The following ERICH3 variants were observed in gnomAD, a reference collection of about 807,000 sequenced individuals.
ERICH3 encodes the protein glutamate-rich protein 3.
In ERICH3, 126 loss-of-function variants were observed where a neutral mutation model predicts 131.1. That is an observed-to-expected ratio of 0.96 (90% confidence interval 0.83 to 1.11). The LOEUF (loss-of-function observed/expected upper bound fraction) is 1.11, where lower values mean the gene tolerates loss of function less well. Among genes scored for constraint, ERICH3 ranks in the 50% most tolerant of loss-of-function variants. The pLI, the probability that ERICH3 is intolerant of heterozygous loss-of-function variation, is 0.00. For missense variants in ERICH3, 2,050 were observed against 1,810.7 expected (o/e 1.13, Z -2.40); for synonymous variants, 695 against 644.6 (o/e 1.08, Z -1.18).
At position 74,594,273 on chromosome 1, in the gene ERICH3, CGTGT is replaced by C. The variant is rs10655150; in HGVS notation, c.1727-4197_1727-4194del. Among the ~76,000 whole-genome samples, 978 of 144,826 alleles carry C rather than the reference CGTGT, an allele frequency of 6.8e-3. 6 individuals carry two copies. Among genetic ancestry groups the C allele is most frequent in the African/African-American group, 0.015 (584 of 39,662 alleles). ...TGTGGGGACACTCACAAAAATGGGG[CGTGT>C]GTGTGTGTGTGTGTGTGTGTGTGTG... On this transcript the variant is annotated intron_variant, in intron 11 of 14. Coordinates refer to ENST00000326665, the MANE Select transcript of ERICH3 (RefSeq NM_001002912.5).
intron 1 of ERICH3, among the ~76,000 whole-genome samples, chr1:74,661,640 G>T (rs968155949): frequency 6.6e-6 from 1 of 152,046 alleles, no homozygotes; most frequent in Non-Finnish European, 1.5e-5. Flanking sequence ...TATTTATTTG[G>T]GGTTTATGTC....
chr1:74,643,556 A>T (rs76425747), intron 3 of ERICH3, among the ~76,000 whole-genome samples: 3,565 of 152,294 alleles, frequency 0.023, 54 homozygotes, highest in Middle Eastern at 0.071. Flanking sequence ...TGTTTAAAAA[A>T]TGGACAATGC....
intron 12 of ERICH3, among the ~76,000 whole-genome samples, chr1:74,580,799 A>C (rs2100544401): frequency 6.6e-6 from 1 of 152,292 alleles, no homozygotes; most frequent in Non-Finnish European, 1.5e-5. Context: ...TTCAGGGGGT[A>C]CATATGCAGG....
intron 7 of ERICH3, chr1:74,621,971 A>G (rs1022951129): frequency 6.6e-6 from 1 of 152,228 alleles, no homozygotes; most frequent in Admixed American, 6.5e-5. Flanking sequence ...TAGACAAAAA[A>G]TGTGCAGAGA....
intron 11 of ERICH3, among the ~76,000 whole-genome samples, chr1:74,599,367 C>T (rs1056549941): frequency 6.6e-6 from 1 of 151,658 alleles, no homozygotes; most frequent in African/African-American, 2.4e-5. Context: ...TGAGTGGGAG[C>T]TAAATGATGA....
At position 74,572,318 on chromosome 1, in the gene ERICH3, G is replaced by A. The variant is rs1392535905; in HGVS notation, c.3392C>T (p.Pro1131Leu). The A allele has an allele frequency of 6.2e-7, 1 of 1,613,816 alleles. No individual in the cohort carries two copies. The highest frequency in any genetic ancestry group is 1.3e-5 in the African/African-American group (1 of 74,900). ...GTCAGACAACTCAGAAGCCTCCACAGGTGCTTCGTTCTCAGCATCAGATCC... is the reference window on the plus strand; with the variant it reads ...GTCAGACAACTCAGAAGCCTCCACAAGTGCTTCGTTCTCAGCATCAGATCC... The part of the protein sequence containing the change: ...EMGSDAENEA[P>L]VEASELSDNP... Residue 1131 changes from proline to leucine, a missense_variant, in exon 14 of 15, where the codon CCT becomes CTT. Coordinates refer to ENST00000326665, the MANE Select transcript of ERICH3 (RefSeq NM_001002912.5).
chr1:74,573,895 C>T (rs1647005661), intron 13 of ERICH3, among the ~76,000 whole-genome samples: 1 of 151,658 alleles, frequency 6.6e-6, no homozygotes, highest in African/African-American at 2.4e-5. Context: ...TACAAGCTTC[C>T]TTTCTTAGAA....
chr1:74,601,673 A>T (rs17097886), intron 10 of ERICH3, among the ~76,000 whole-genome samples: 3,781 of 151,908 alleles, frequency 0.025, 179 homozygotes, highest in African/African-American at 0.087. Context: ...ACACTACAGG[A>T]GTTTGCTACT....
intron 7 of ERICH3, chr1:74,625,678 T>C (rs1238009872): frequency 6.6e-6 from 1 of 152,174 alleles, no homozygotes; most frequent in Non-Finnish European, 1.5e-5. Flanking sequence ...CCCATCTTGG[T>C]AACCTCAGGA....
intron 1 of ERICH3, among the ~76,000 whole-genome samples, chr1:74,668,462 A>G (rs772853319): frequency 4.6e-5 from 7 of 152,232 alleles, no homozygotes; most frequent in Non-Finnish European, 7.4e-5. Flanking sequence ...CAAACACTGT[A>G]GTTTCCAATG....
chr1:74,633,317 T>C (rs1487614601), intron 6 of ERICH3, among the ~76,000 whole-genome samples: 4 of 151,908 alleles, frequency 2.6e-5, no homozygotes, highest in African/African-American at 4.8e-5. Flanking sequence ...ATGGTTGATA[T>C]TGCATTTTGT....
rs771711285 is a variant in ERICH3, at chr1:74,673,482, C to G, written c.23+15G>C. ...CCACCTGCCACAGCGTGGAAAAGCTCCAGTTGTCACTTACCCAGCGGGGTG... is the reference window on the plus strand; with the variant it reads ...CCACCTGCCACAGCGTGGAAAAGCTGCAGTTGTCACTTACCCAGCGGGGTG... On this transcript the variant is annotated intron_variant, in intron 1 of 14. Transcript: ENST00000326665. 4 of 1,612,430 alleles carry G rather than the reference C, an allele frequency of 2.5e-6. No homozygotes were observed. In the East Asian group the frequency reaches 9.0e-5, roughly 36 times the overall value.
At chr1:74,617,687 A>G (rs1428932402) in intron 8 of ERICH3, among the ~76,000 whole-genome samples, 5 of 152,220 alleles carry the variant, frequency 3.3e-5, no homozygotes, top group Admixed American at 1.3e-4. Context: ...GGGGCTGTCT[A>G]TGAGACAAGG....
chr1:74,634,666 T>G, intron 6 of ERICH3: 1 of 714,794 alleles, frequency 1.4e-6, no homozygotes, highest in Non-Finnish European at 2.6e-6. Context: ...TATAATCACC[T>G]TGGCAAGCAT....
chr1:74,584,589 A>G (rs1647248535), intron 12 of ERICH3, among the ~76,000 whole-genome samples: 1 of 152,140 alleles, frequency 6.6e-6, no homozygotes, highest in African/African-American at 2.4e-5. Context: ...ATGTCCGATT[A>G]TTAGAGAGGC....
intron 10 of ERICH3, among the ~76,000 whole-genome samples, chr1:74,605,728 C>T (rs1411969557): frequency 6.6e-6 from 1 of 151,562 alleles, no homozygotes; most frequent in Non-Finnish European, 1.5e-5. Context: ...CACCCCAAAA[C>T]AATTGCAATA....
chr1:74,642,115 G>C (rs181747082), intron 4 of ERICH3, among the ~76,000 whole-genome samples: 1 of 152,166 alleles, frequency 6.6e-6, no homozygotes, highest in African/African-American at 2.4e-5. Context: ...CCTTGATGTA[G>C]GGCAATATTG....
At chr1:74,573,614 T>C (rs762000632) in intron 13 of ERICH3, 123 bp from the exon 14 acceptor site, 17 of 1,146,690 alleles carry the variant, frequency 1.5e-5, no homozygotes, top group Non-Finnish European at 1.8e-5. Flanking sequence ...CAAGAGGCCA[T>C]TGTATTATAT....
At chr1:74,605,323 C>G (rs1403409987) in intron 10 of ERICH3, among the ~76,000 whole-genome samples, 1 of 151,866 alleles carries the variant, frequency 6.6e-6, no homozygotes, top group Non-Finnish European at 1.5e-5. Flanking sequence ...CTAAAATACT[C>G]TATATATCAG....
Sources: allele counts gnomAD v4.1 joint callset (sites outside exome capture counted in the v4.1 genomes callset), GRCh38; gene constraint gnomAD v4.1.1; transcripts MANE v1.5; gene names NCBI Gene and HGNC (gene_info 2026-07-23, HGNC 2026-07-21).